Variants in NTNG1 observed in about 807,000 individuals in gnomAD.
NTNG1 encodes the protein netrin-G1.
A neutral mutation model predicts 54.0 loss-of-function variants in NTNG1; 16 were observed. The ratio of observed to expected loss-of-function variants is 0.30; its 90% confidence interval spans 0.20 to 0.45. NTNG1 has a LOEUF of 0.45. NTNG1 is among the 20% of genes least tolerant of loss of function. NTNG1 has a pLI of 1.00. For missense variants in NTNG1, 530 were observed against 678.7 expected, an observed-to-expected ratio of 0.78 and a Z score of 2.43; for synonymous variants, 255 against 263.1, an observed-to-expected ratio of 0.97 and a Z score of 0.30.
chr1:107,159,904 C>T (rs926485135), intron 2 of NTNG1, among the ~76,000 whole-genome samples: 3 of 152,044 alleles, frequency 2.0e-5, no homozygotes, highest in African/African-American at 7.2e-5. Flanking sequence ...TTTCCATTAA[C>T]GTGTTCATAT....
chr1:107,176,103 A>G (rs545740469), intron 2 of NTNG1, among the ~76,000 whole-genome samples: 3 of 152,130 alleles, frequency 2.0e-5, no homozygotes, highest in Non-Finnish European at 2.9e-5. Flanking sequence ...TAAAATTTCT[A>G]CTATTGGGTA....
intron 1 of NTNG1, among the ~76,000 whole-genome samples, chr1:107,142,628 C>G (rs1421891601): frequency 6.6e-6 from 1 of 150,510 alleles, no homozygotes; most frequent in East Asian, 1.9e-4. Context: ...AAATAAGGCC[C>G]TGTTTTATGA....
At chr1:107,471,424 C>T (rs1677972906) in intron 7 of NTNG1, among the ~76,000 whole-genome samples, 1 of 152,168 alleles carries the variant, frequency 6.6e-6, no homozygotes, top group African/African-American at 2.4e-5. Context: ...CTGTTGTTTG[C>T]ATCCGTACCT....
At chr1:107,217,309 A>G (rs1660036360) in intron 2 of NTNG1, among the ~76,000 whole-genome samples, 1 of 152,012 alleles carries the variant, frequency 6.6e-6, no homozygotes, top group African/African-American at 2.4e-5. Context: ...TTCACTTCTA[A>G]TTGAGCTTAT....
chr1:107,306,461 G>A (rs1666702727), intron 2 of NTNG1, among the ~76,000 whole-genome samples: 1 of 152,240 alleles, frequency 6.6e-6, no homozygotes, highest in Admixed American at 6.5e-5. Flanking sequence ...CAAAAGAGTG[G>A]AAGTGGAGGC....
intron 2 of NTNG1, among the ~76,000 whole-genome samples, chr1:107,247,979 T>C (rs539883975): frequency 1.2e-4 from 18 of 152,318 alleles, no homozygotes; most frequent in African/African-American, 3.8e-4. Flanking sequence ...ATTTAGATAG[T>C]TGTAGAGTTC....
rs1213968636 is a variant in NTNG1, at chr1:107,484,240, C to T, written c.*3400C>T. 1.3e-5 allele frequency among the ~76,000 whole-genome samples: 2 copies of T among 152,094 alleles called. No individual in the cohort carries two copies. Among genetic ancestry groups the T allele is most frequent in the Non-Finnish European group, 2.9e-5 (2 of 68,020 alleles). ...AAGGAGAAGCCACTTGCCATGAAAA[C>T]AAGAGTCCAGGGCTGAAAAATAAAG... On this transcript the variant is annotated 3_prime_UTR_variant, in exon 8 of 8. Coordinates refer to ENST00000370068, the MANE Select transcript of NTNG1 (RefSeq NM_001113226.3).
intron 5 of NTNG1, among the ~76,000 whole-genome samples, chr1:107,417,116 A>G (rs1674268167): frequency 6.6e-6 from 1 of 152,102 alleles, no homozygotes; most frequent in African/African-American, 2.4e-5. Flanking sequence ...CTCAAGTGAA[A>G]AGCAACATTC....
intron 3 of NTNG1, among the ~76,000 whole-genome samples, chr1:107,326,416 G>C (rs1336916493): frequency 6.6e-6 from 1 of 152,000 alleles, no homozygotes; most frequent in Non-Finnish European, 1.5e-5. Flanking sequence ...TTAAACATAA[G>C]TTTGCTATTT....
intron 2 of NTNG1, among the ~76,000 whole-genome samples, chr1:107,188,636 A>C (rs1295146799): frequency 6.6e-6 from 1 of 152,160 alleles, no homozygotes; most frequent in African/African-American, 2.4e-5. Flanking sequence ...GCTTGAAATC[A>C]TATGAATAAT....
chr1:107,212,514 G>A (rs1464679033), intron 2 of NTNG1, among the ~76,000 whole-genome samples: 1 of 152,084 alleles, frequency 6.6e-6, no homozygotes, highest in East Asian at 1.9e-4. Context: ...ATTTAATTTT[G>A]TTATATGAAC....
intron 3 of NTNG1, among the ~76,000 whole-genome samples, chr1:107,380,696 T>A (rs1671589868): frequency 6.6e-6 from 1 of 152,284 alleles, no homozygotes; most frequent in South Asian, 2.1e-4. Flanking sequence ...AGCAAGTGTT[T>A]ATTAAGAGCT....
chr1:107,355,900 A>T (rs1235978300), intron 3 of NTNG1, among the ~76,000 whole-genome samples: 1 of 152,068 alleles, frequency 6.6e-6, no homozygotes, highest in Non-Finnish European at 1.5e-5. Flanking sequence ...ACCTCAGTGG[A>T]TTTTTCTACA....
intron 7 of NTNG1, among the ~76,000 whole-genome samples, chr1:107,467,785 G>C (rs1306298016): frequency 6.6e-6 from 1 of 152,152 alleles, no homozygotes; most frequent in Non-Finnish European, 1.5e-5. Context: ...CCTTGCTGAT[G>C]TATTTTAAGA....
intron 2 of NTNG1, among the ~76,000 whole-genome samples, chr1:107,242,101 C>A (rs1261047238): frequency 1.1e-4 from 17 of 151,994 alleles, no homozygotes; most frequent in Non-Finnish European, 2.5e-4. Context: ...ATAGCAAAAC[C>A]CTGTCTTTAC....
intron 5 of NTNG1, among the ~76,000 whole-genome samples, chr1:107,417,154 CAT>C (rs1346302527): frequency 1.3e-5 from 2 of 152,184 alleles, no homozygotes; most frequent in African/African-American, 4.8e-5. Context: ...ATTTTGCCTA[CAT>C]GTTACCAAAT....
At chr1:107,393,350 G>A (rs1672480963) in intron 3 of NTNG1, among the ~76,000 whole-genome samples, 1 of 152,092 alleles carries the variant, frequency 6.6e-6, no homozygotes, top group African/African-American at 2.4e-5. Context: ...ATAAATAAAG[G>A]TGTTAATGTT....
At chr1:107,210,386 A>G (rs746819880) in intron 2 of NTNG1, among the ~76,000 whole-genome samples, 2 of 152,182 alleles carry the variant, frequency 1.3e-5, no homozygotes, top group African/African-American at 4.8e-5. Context: ...CGGAGAACAG[A>G]GTAAAATGGT....
At chr1:107,280,620 G>A (rs1055152228) in intron 2 of NTNG1, among the ~76,000 whole-genome samples, 4 of 125,008 alleles carry the variant, frequency 3.2e-5, no homozygotes, top group African/African-American at 8.7e-5. Flanking sequence ...TTTTTTTTTG[G>A]CCACTATATA....
Sources: gnomAD v4.1 joint callset for allele counts (sites outside exome capture counted in the v4.1 genomes callset) on GRCh38, gnomAD v4.1.1 for gene constraint, MANE v1.5 for transcripts, NCBI Gene and HGNC (gene_info 2026-07-23, HGNC 2026-07-21) for gene names.